RPGRIP1L: variants seen among roughly 807,000 people sequenced by gnomAD.
The protein encoded by RPGRIP1L is RPGRIP1 like.
In RPGRIP1L, 131 loss-of-function variants were observed where a neutral mutation model predicts 160.4. That is an observed-to-expected ratio of 0.82 (90% CI 0.71 to 0.94). RPGRIP1L has a LOEUF of 0.94. Ranked by LOEUF, RPGRIP1L falls within the 40% of genes least tolerant of loss-of-function variation. The pLI, the probability that RPGRIP1L is intolerant of heterozygous loss-of-function variation, is 0.00. For missense variants in RPGRIP1L, 1,522 were observed against 1,535.8 expected, an observed-to-expected ratio of 0.99 and a Z score of 0.15; for synonymous variants, 510 against 515.8, an observed-to-expected ratio of 0.99 and a Z score of 0.15.
chr16:53,627,383 CA>C lies in RPGRIP1L; in HGVS notation c.3295-5028del, dbSNP rs578173861. On this transcript the variant is annotated intron_variant, in intron 22 of 26. Transcript: ENST00000647211. ...TTTAATTTTTTATTATAAAACATTTCAAACATGATAAAGTACAGAAAATAAT... is the reference window on the plus strand; with the variant it reads ...TTTAATTTTTTATTATAAAACATTTCAACATGATAAAGTACAGAAAATAAT... 1.5e-3 allele frequency among the ~76,000 whole-genome samples: 232 copies of C among 152,220 alleles called. 1 individual carries two copies. Among genetic ancestry groups the C allele is most frequent in the Admixed American group, 2.9e-3 (44 of 15,292 alleles).
chr16:53,664,371 A>G (rs537148194), intron 10 of RPGRIP1L, among the ~76,000 whole-genome samples: 1 of 152,208 alleles, frequency 6.6e-6, no homozygotes, highest in Non-Finnish European at 1.5e-5. Flanking sequence ...AAAAACGGCA[A>G]GCTACTATTT....
At chr16:53,603,673 AAT>A (rs1491573163) in intron 26 of RPGRIP1L, among the ~76,000 whole-genome samples, 1 of 83,192 alleles carries the variant, frequency 1.2e-5, no homozygotes, top group Non-Finnish European at 2.3e-5. Context: ...CTTGAACTTT[AAT>A]GTGTGTGTGT....
chr16:53,648,626 G>GA (rs1966737926), intron 16 of RPGRIP1L, among the ~76,000 whole-genome samples: 2 of 143,988 alleles, frequency 1.4e-5, no homozygotes, highest in Non-Finnish European at 3.0e-5. Flanking sequence ...GCGCGCGCGC[G>GA]CACACACACA....
rs576417383 is a variant in RPGRIP1L at position 53,641,320 on chromosome 16, G to A, written c.2839C>T (p.Leu947Phe). 9.3e-6 allele frequency: 15 copies of A among 1,614,048 alleles called. No homozygotes were observed. The highest frequency in any genetic ancestry group is 1.7e-4 in the Middle Eastern group (1 of 6,060). ...GTGCTAACAGAGGATGCTGGAGGAA[G>A]TCTTTGAACAACTTCTGGCTCTTCG... ...RSEEPEVVQR[L>F]PPASSVSTLV... The change falls in exon 18 of 27, where the codon CTT becomes TTT. Residue 947 changes from leucine (L) to phenylalanine (F), a missense_variant. Coordinates refer to ENST00000647211, the MANE Select transcript of RPGRIP1L (RefSeq NM_015272.5).
At chr16:53,641,526 G>GTT in intron 17 of RPGRIP1L, 51 bp from the exon 18 acceptor site, 1 of 1,492,828 alleles carries the variant, frequency 6.7e-7, no homozygotes, top group South Asian at 1.1e-5. Context: ...TTTTATTACT[G>GTT]TAAGAATTAA....
intron 17 of RPGRIP1L, among the ~76,000 whole-genome samples, chr16:53,644,765 C>G (rs1161078317): frequency 1.3e-5 from 2 of 152,050 alleles, no homozygotes; most frequent in Non-Finnish European, 2.9e-5. Context: ...AAAAACATTC[C>G]CAGATAACAG....
intron 23 of RPGRIP1L, among the ~76,000 whole-genome samples, chr16:53,621,503 C>A (rs946360929): frequency 6.7e-6 from 1 of 149,898 alleles, no homozygotes; most frequent in Non-Finnish European, 1.5e-5. Context: ...AATTCTCTGA[C>A]CAATACACCT....
In RPGRIP1L at chr16:53,645,866, A is replaced by G. The variant is rs770299101; in HGVS notation, c.2442T>C (p.Tyr814=). The change falls in exon 17 of 27, where the codon TAT becomes TAC. Residue 814 remains tyrosine, a synonymous_variant. Coordinates refer to ENST00000647211, the MANE Select transcript of RPGRIP1L (RefSeq NM_015272.5). ...CAAAATCAAAAAACTTGTACACAAC[A>G]TATGGGTGTGGCTGCAGGTGGCTTG... is the stretch of plus-strand genomic sequence containing the variant. ...SRASHLQPHP[Y]VVYKFFDFAD... The G allele has an allele frequency of 2.9e-5, 47 of 1,614,032 alleles. No homozygotes were observed. Among genetic ancestry groups the G allele is most frequent in the South Asian group, 1.8e-4 (16 of 91,080 alleles).
intron 6 of RPGRIP1L, among the ~76,000 whole-genome samples, chr16:53,680,915 T>A (rs1329007671): frequency 6.6e-6 from 1 of 152,120 alleles, no homozygotes; most frequent in Non-Finnish European, 1.5e-5. Context: ...GAAAGAAGGC[T>A]TAAGCAAGAG....
At chr16:53,658,582 C>G (rs1439345854) in intron 11 of RPGRIP1L, 118 bp from the exon 12 acceptor site, 2 of 925,972 alleles carry the variant, frequency 2.2e-6, no homozygotes, top group African/African-American at 3.3e-5. Flanking sequence ...AACTAACAAA[C>G]TAAGTCTACA....
In RPGRIP1L at chr16:53,698,400, G is replaced by A. The variant is rs571971896; in HGVS notation, c.86-2105C>T. Among the ~76,000 whole-genome samples the A allele has an allele frequency of 1.8e-3, 264 of 144,512 alleles. 8 individuals carry two copies. The highest frequency in any genetic ancestry group is 6.4e-3 in the African/African-American group (240 of 37,660). The allele number at this position is 144,512 out of a possible 152,430, so 94.8% of individuals were successfully genotyped here. A position where few individuals can be genotyped will look rare whatever the true frequency, so the allele number is the denominator to read the frequency against. On this transcript the variant is annotated intron_variant, in intron 2 of 26. Coordinates refer to ENST00000647211, the MANE Select transcript of RPGRIP1L (RefSeq NM_015272.5). ...AGCCCCCCGCCCGGCCAGCCGTCCT[G>A]TCTGGGAGATGAGGGGCGCCTCTGC...
At chr16:53,653,372 TC>T in intron 14 of RPGRIP1L, 1 of 1,046,014 alleles carries the variant, frequency 9.6e-7, no homozygotes, top group Non-Finnish European at 1.2e-6. Flanking sequence ...CTGCCTCCTT[TC>T]CTTTAACTTA....
intron 6 of RPGRIP1L, among the ~76,000 whole-genome samples, chr16:53,675,458 T>C (rs1235524212): frequency 2.6e-5 from 4 of 152,098 alleles, no homozygotes; most frequent in Non-Finnish European, 4.4e-5. Flanking sequence ...CAATAGTTTT[T>C]AGTATAGCAA....
Position 53,695,168 on chromosome 16 carries a change from A to G in RPGRIP1L, c.230+983T>C, listed in dbSNP as rs1970659048. 5 of 564,172 alleles carry G rather than the reference A, an allele frequency of 8.9e-6. No individual in the cohort carries two copies. The East Asian group carries it at 1.4e-4, about 16-fold the overall frequency. The allele number at this position is 564,172 out of a possible 1,614,324, so 34.9% of individuals were successfully genotyped here. ...TCTTTTACTGACCAATTAGGCTTAC[A>G]AAGAAAAAAATTGTTAGGTGGTCAT... On this transcript the variant is annotated intron_variant, in intron 3 of 26. Coordinates refer to ENST00000647211, the MANE Select transcript of RPGRIP1L (RefSeq NM_015272.5).
intron 19 of RPGRIP1L, among the ~76,000 whole-genome samples, chr16:53,640,388 G>A (rs1304142086): frequency 6.6e-6 from 1 of 152,186 alleles, no homozygotes; most frequent in African/African-American, 2.4e-5. Flanking sequence ...AAATATGAAA[G>A]TGTCAGCGTA....
intron 22 of RPGRIP1L, among the ~76,000 whole-genome samples, chr16:53,633,372 A>C (rs1965641079): frequency 1.3e-5 from 2 of 152,256 alleles, no homozygotes; most frequent in South Asian, 4.1e-4. Context: ...GATCTTGAGG[A>C]AACACCAGAC....
At chr16:53,688,471 G>A (rs1348191679) in intron 4 of RPGRIP1L, among the ~76,000 whole-genome samples, 2 of 151,938 alleles carry the variant, frequency 1.3e-5, no homozygotes, top group African/African-American at 2.4e-5. Flanking sequence ...TTTGAGAATG[G>A]ATCATCGCAA....
At chr16:53,638,661 T>G (rs552051888) in intron 19 of RPGRIP1L, among the ~76,000 whole-genome samples, 3 of 151,228 alleles carry the variant, frequency 2.0e-5, no homozygotes, top group Non-Finnish European at 3.0e-5. Flanking sequence ...AAAAAAAAAC[T>G]GAGAGCAATG....
intron 22 of RPGRIP1L, among the ~76,000 whole-genome samples, chr16:53,630,403 G>A (rs1411088792): frequency 1.3e-5 from 2 of 152,066 alleles, no homozygotes; most frequent in African/African-American, 4.8e-5. Context: ...TTATTCATTA[G>A]TTTGGCAAAG....
Sources: allele counts gnomAD v4.1 joint callset (sites outside exome capture counted in the v4.1 genomes callset), GRCh38; gene constraint gnomAD v4.1.1; transcripts MANE v1.5; gene names NCBI Gene and HGNC (gene_info 2026-07-23, HGNC 2026-07-21).